The following SULF2 variants were observed in gnomAD, a reference collection of about 807,000 sequenced individuals.
SULF2 encodes sulfatase 2.
Under a neutral mutation model 107.7 loss-of-function variants are expected in SULF2, and 52 were observed. That is an observed-to-expected ratio of 0.48 (90% confidence interval 0.39 to 0.61). The LOEUF is 0.61. SULF2 is among the 20% of genes least tolerant of loss of function. The probability of loss-of-function intolerance (pLI) is 0.00; values close to 1 mark genes in which losing one functional copy is unlikely to be tolerated. For missense variants in SULF2, 993 were observed against 1,177.3 expected (o/e 0.84, Z 2.29); for synonymous variants, 460 against 464.3 (o/e 0.99, Z 0.12).
intron 2 of SULF2, among the ~76,000 whole-genome samples, chr20:47,744,932 A>ATG (rs757530277): frequency 1.2e-4 from 18 of 152,076 alleles, no homozygotes; most frequent in East Asian, 1.2e-3. Context: ...ACAAATGAAT[A>ATG]TGTGTGTGTG....
chr20:47,770,393 A>C (rs1347769973), intron 1 of SULF2, among the ~76,000 whole-genome samples: 1 of 152,064 alleles, frequency 6.6e-6, no homozygotes, highest in South Asian at 2.1e-4. Context: ...CCTTCTGACT[A>C]TGTGAGGGGA....
chr20:47,694,462 G>A lies in SULF2; in HGVS notation c.568-4167C>T, dbSNP rs1307843006. Among the ~76,000 whole-genome samples the A allele has an allele frequency of 1.3e-5, 2 of 152,328 alleles. No homozygotes were observed. The highest frequency in any genetic ancestry group is 3.4e-3 in the Middle Eastern group (1 of 294). On this transcript the variant is annotated intron_variant, in intron 4 of 20. Coordinates refer to ENST00000688720, the MANE Select transcript of SULF2 (RefSeq NM_001387048.1). The surrounding 1 kb of genome is among the most constrained non-coding windows in gnomAD (Gnocchi z 4.4). ...GAAGAACTCTGAAATTCAGACCTGT[G>A]AGCAGGAGGGTGAGATGGGTGGAGG...
intron 17 of SULF2, 127 bp from the exon 18 acceptor site, chr20:47,662,023 T>C: frequency 3.0e-6 from 3 of 993,034 alleles, no homozygotes; most frequent in South Asian, 3.5e-5. Context: ...GTGACCTGTT[T>C]ACTCCAACTT....
At chr20:47,773,551 G>A (rs927058010) in intron 1 of SULF2, among the ~76,000 whole-genome samples, 24 of 152,346 alleles carry the variant, frequency 1.6e-4, no homozygotes, top group Middle Eastern at 3.4e-3. Flanking sequence ...TGCCTTCTGG[G>A]CAGGCCACAC....
intron 2 of SULF2, among the ~76,000 whole-genome samples, chr20:47,738,833 G>C (rs1254396902): frequency 1.3e-5 from 2 of 152,168 alleles, no homozygotes; most frequent in Non-Finnish European, 2.9e-5. Flanking sequence ...GCAGCATGAA[G>C]ACAGACCAAT....
intron 2 of SULF2, among the ~76,000 whole-genome samples, chr20:47,753,890 T>C (rs574610610): frequency 6.6e-6 from 1 of 152,348 alleles, no homozygotes; most frequent in South Asian, 2.1e-4. Flanking sequence ...TACCTCCATG[T>C]GCTTCCCTCT....
intron 3 of SULF2, among the ~76,000 whole-genome samples, chr20:47,708,959 C>T (rs2088834564): frequency 6.6e-6 from 1 of 152,220 alleles, no homozygotes; most frequent in African/African-American, 2.4e-5. Flanking sequence ...TCAGTCTCCA[C>T]CAGGCCCTAG....
At chr20:47,784,835 T>C (rs1243092218) in intron 1 of SULF2, among the ~76,000 whole-genome samples, 1 of 152,234 alleles carries the variant, frequency 6.6e-6, no homozygotes, top group Non-Finnish European at 1.5e-5. Flanking sequence ...GGAGGAAGTC[T>C]GCCTTTTCGA....
rs2146906441 is a variant in SULF2 at position 47,757,226 on chromosome 20, G to A, written c.138C>T (p.Ile46=). 1 of 1,564,308 alleles carries A rather than the reference G, an allele frequency of 6.4e-7. No homozygotes were observed. The highest frequency in any genetic ancestry group is 2.4e-5 in the East Asian group (1 of 41,888). ...CCTGGTCGTCCGTCAGCACCAGGAT[G>A]ATGTTGGGGCGGATGTTCCTGCGGT... is the stretch of plus-strand genomic sequence containing the variant. ...QRDRRNIRPN[I]ILVLTDDQDV... The change falls in exon 2 of 21, where the codon ATC becomes ATT. Residue 46 remains isoleucine, a synonymous_variant. Transcript: ENST00000688720.
rs1169650444 is a variant in SULF2, at chr20:47,694,211, A to G, written c.568-3916T>C. Among the ~76,000 whole-genome samples the G allele has an allele frequency of 6.6e-6, 1 of 152,132 alleles. No individual in the cohort carries two copies. Among genetic ancestry groups the G allele is most frequent in the Non-Finnish European group, 1.5e-5 (1 of 68,024 alleles). On this transcript the variant is annotated intron_variant, in intron 4 of 20. Coordinates refer to ENST00000688720, the MANE Select transcript of SULF2 (RefSeq NM_001387048.1). The surrounding 1 kb of genome is among the most constrained non-coding windows in gnomAD (Gnocchi z 4.4). ...ATGCCCTGTTCTCTCTGAGGGAGAG[A>G]ACAGGAGGCCTGGGCCAGGGTGGCG...
rs1476123850 is a variant in SULF2 at position 47,666,006 on chromosome 20, C to T, written c.1806-53G>A. On this transcript the variant is annotated intron_variant, in intron 12 of 20. Transcript: ENST00000688720. This position sits in a 1 kb window ranked among gnomAD's most constrained non-coding sequence, Gnocchi z 5.4. ...CTCGGAGGTGGTGGAGGGGGAGCAG[C>T]CCAGGTGCCCAAGAGGTGTGGGAAG... is the stretch of plus-strand genomic sequence containing the variant. 18 of 1,600,442 alleles carry T rather than the reference C, an allele frequency of 1.1e-5. No homozygotes were observed. In the African/African-American group the frequency reaches 1.7e-4, roughly 15 times the overall value.
chr20:47,761,172 T>C (rs1424647627), intron 1 of SULF2, among the ~76,000 whole-genome samples: 1 of 152,202 alleles, frequency 6.6e-6, no homozygotes, highest in Non-Finnish European at 1.5e-5. Context: ...TGAAATCTCC[T>C]TCAACCTCCA....
chr20:47,763,948 AC>A (rs2090472113), intron 1 of SULF2, among the ~76,000 whole-genome samples: 2 of 152,140 alleles, frequency 1.3e-5, no homozygotes, highest in South Asian at 4.1e-4. Context: ...ACAAGAACCC[AC>A]CCAACCTGCT....
rs1384219221 is a variant in SULF2, at chr20:47,736,914, C to A, written c.204G>T (p.Arg68=). ...LGSMQVMNKT[R]RIMEQGGAHF... ...GCGCCCCGCCCTGCTCCATGATGCGCCGGGTCTTGTTCATCACCTGCATGG... is the reference window on the plus strand; with the variant it reads ...GCGCCCCGCCCTGCTCCATGATGCGACGGGTCTTGTTCATCACCTGCATGG... The change falls in exon 3 of 21, where the codon CGG becomes CGT. Residue 68 remains arginine (R), a synonymous_variant. Transcript: ENST00000688720. 6.2e-7 allele frequency: 1 copy of A among 1,614,096 alleles called. No individual in the cohort carries two copies. The highest frequency in any genetic ancestry group is 1.7e-5 in the Admixed American group (1 of 60,010).
At chr20:47,705,840 C>T (rs1423341171) in intron 3 of SULF2, among the ~76,000 whole-genome samples, 6 of 145,970 alleles carry the variant, frequency 4.1e-5, no homozygotes, top group Non-Finnish European at 7.5e-5. Context: ...TCGCTGTTTT[C>T]CAGGCTGGAG....
chr20:47,769,754 G>A (rs1318581324), intron 1 of SULF2, among the ~76,000 whole-genome samples: 2 of 152,224 alleles, frequency 1.3e-5, no homozygotes, highest in African/African-American at 4.8e-5. Context: ...CGTGTCCCAA[G>A]GAGATCAAGT....
intron 2 of SULF2, among the ~76,000 whole-genome samples, chr20:47,743,495 A>C (rs989520550): frequency 6.6e-6 from 1 of 152,168 alleles, no homozygotes; most frequent in African/African-American, 2.4e-5. Context: ...TTTTTTGTAC[A>C]GGTGGGGCTT....
intron 2 of SULF2, among the ~76,000 whole-genome samples, chr20:47,746,991 A>AT (rs2090054692): frequency 3.1e-4 from 26 of 83,064 alleles, no homozygotes; most frequent in Non-Finnish European, 4.2e-4. Flanking sequence ...ATAAAAAAAA[A>AT]AAAATATATA....
At chr20:47,684,615 C>T (rs1268862597) in intron 5 of SULF2, 34 bp from the exon 6 acceptor site, 18 of 1,603,978 alleles carry the variant, frequency 1.1e-5, no homozygotes, top group Non-Finnish European at 1.4e-5. Flanking sequence ...CGGTCAAACC[C>T]AGGGACAGCC....
Sources: allele counts gnomAD v4.1 joint callset (sites outside exome capture counted in the v4.1 genomes callset), GRCh38; gene constraint gnomAD v4.1.1; non-coding constraint Gnocchi (gnomAD v3.1); transcripts MANE v1.5; gene names NCBI Gene and HGNC (gene_info 2026-07-23, HGNC 2026-07-21).